Variants in FRMPD2 observed in about 807,000 individuals in gnomAD.
The protein encoded by FRMPD2 is FERM and PDZ domain containing 2, also known as FERM and PDZ domain-containing protein 2.
A neutral mutation model predicts 140.1 loss-of-function variants in FRMPD2; 96 were observed. The observed-to-expected ratio is 0.69, with a 90% CI of 0.58 to 0.81. FRMPD2 has a LOEUF of 0.81. Ranked by LOEUF, FRMPD2 falls within the 40% of genes least tolerant of loss-of-function variation. FRMPD2 has a pLI of 0.00. For missense variants in FRMPD2, 1,240 were observed against 1,447.4 expected, an observed-to-expected ratio of 0.86 and a Z score of 2.32; for synonymous variants, 449 against 547.6, an observed-to-expected ratio of 0.82 and a Z score of 2.52.
chr10:48,200,619 T>A (rs1839063306), intron 15 of FRMPD2, among the ~76,000 whole-genome samples: 1 of 152,214 alleles, frequency 6.6e-6, no homozygotes, highest in South Asian at 2.1e-4. Flanking sequence ...TGCTAGTGAC[T>A]CCCACACTGA....
At chr10:48,184,004 C>G (rs1274604909) in intron 20 of FRMPD2, among the ~76,000 whole-genome samples, 1 of 152,010 alleles carries the variant, frequency 6.6e-6, no homozygotes, top group Non-Finnish European at 1.5e-5. Flanking sequence ...GGAAAAATAA[C>G]TATTGGGCAC....
chr10:48,236,546 C>T lies in FRMPD2; in HGVS notation c.929G>A (p.Arg310Lys). The T allele has an allele frequency of 6.2e-7, 1 of 1,614,132 alleles. No homozygotes were observed. The highest frequency in any genetic ancestry group is 8.5e-7 in the Non-Finnish European group (1 of 1,179,952). ...TCCAGCCAACAGGATGAACTCTGGC[C>T]TGGAAAACTGGAGGAAAACAGTCAC... ...GFLQRRSKFS[R>K]PEFILLAGEA... Residue 310 changes from arginine to lysine, a missense_variant, in exon 9 of 29, where the codon AGG (arginine) becomes AAG (lysine). Transcript: ENST00000374201.
At chr10:48,197,476 T>C (rs1052885680) in intron 15 of FRMPD2, among the ~76,000 whole-genome samples, 10 of 152,240 alleles carry the variant, frequency 6.6e-5, no homozygotes, top group African/African-American at 2.2e-4. Context: ...CTGAGTCTAC[T>C]GGACTCCACA....
At chr10:48,193,825 A>G (rs762588531) in intron 15 of FRMPD2, among the ~76,000 whole-genome samples, 2 of 152,112 alleles carry the variant, frequency 1.3e-5, no homozygotes, top group Non-Finnish European at 2.9e-5. Context: ...CCATGGGCAT[A>G]TATTTCTTCA....
chr10:48,208,397 A>T, intron 13 of FRMPD2, among the ~76,000 whole-genome samples: 1 of 152,202 alleles, frequency 6.6e-6, no homozygotes, highest in Non-Finnish European at 1.5e-5. Flanking sequence ...CAAGATTCCT[A>T]CTAGTAAAGC....
chr10:48,205,515 T>C (rs1839182324), intron 14 of FRMPD2, among the ~76,000 whole-genome samples: 1 of 152,116 alleles, frequency 6.6e-6, no homozygotes, highest in Admixed American at 6.5e-5. Context: ...CATTGAAAAA[T>C]CTGAACAATT....
At chr10:48,244,310 T>C (rs768286713) in intron 4 of FRMPD2, among the ~76,000 whole-genome samples, 2 of 152,254 alleles carry the variant, frequency 1.3e-5, no homozygotes, top group Non-Finnish European at 2.9e-5. Flanking sequence ...TTCTAAGCTT[T>C]AAGCCTTCTT....
intron 17 of FRMPD2, 98 bp from the exon 18 acceptor site, chr10:48,185,743 C>T: frequency 2.4e-6 from 2 of 824,642 alleles, no homozygotes; most frequent in Admixed American, 3.6e-5. Flanking sequence ...CATGCGCGCA[C>T]ACACATTCAC....
chr10:48,181,416 T>C (rs1838543245), intron 20 of FRMPD2, among the ~76,000 whole-genome samples: 1 of 152,186 alleles, frequency 6.6e-6, no homozygotes, highest in Admixed American at 6.5e-5. Flanking sequence ...AGCTATTAAG[T>C]GTCCTGCCCC....
chr10:48,167,778 T>G (rs1243969060), intron 27 of FRMPD2, among the ~76,000 whole-genome samples: 49 of 152,362 alleles, frequency 3.2e-4, no homozygotes, highest in African/African-American at 1.1e-3. Flanking sequence ...TTTTTAGATG[T>G]GATTTGACAT....
intron 13 of FRMPD2, among the ~76,000 whole-genome samples, chr10:48,210,671 G>A (rs1588831874): frequency 6.6e-6 from 1 of 152,214 alleles, no homozygotes; most frequent in African/African-American, 2.4e-5. Context: ...TGTGCAGCCC[G>A]GACTATGGAG....
intron 1 of FRMPD2, among the ~76,000 whole-genome samples, chr10:48,262,064 C>A (rs887591725): frequency 1.3e-5 from 2 of 151,910 alleles, no homozygotes; most frequent in South Asian, 4.2e-4. Flanking sequence ...CCAATTGCAA[C>A]AAATAGAAAA....
chr10:48,212,597 G>A (rs999747386), intron 12 of FRMPD2, among the ~76,000 whole-genome samples: 1 of 151,848 alleles, frequency 6.6e-6, no homozygotes, highest in Non-Finnish European at 1.5e-5. Context: ...AATTCATTTA[G>A]CATTTCTGTC....
Position 48,223,266 on chromosome 10 carries a change from T to A in FRMPD2, c.1173A>T (p.Lys391Asn). The change falls in exon 11 of 29, where the codon AAA becomes AAT. Residue 391 changes from lysine (K) to asparagine (N), a missense_variant. Lys to Asn is a moderately conservative substitution (Grantham distance 94). Coordinates refer to ENST00000374201, the MANE Select transcript of FRMPD2 (RefSeq NM_001018071.4). ...TTTCACTGTCCAGGAAAAAGAACTCTTTGCCTGAAATGGAAATAGAGCATG... is the reference window on the plus strand; with the variant it reads ...TTTCACTGTCCAGGAAAAAGAACTCATTGCCTGAAATGGAAATAGAGCATG... ...TYFGLAYMKSKEFFFLDSETR... is the reference protein window; with the variant it reads ...TYFGLAYMKSNEFFFLDSETR... 1 of 1,611,856 alleles carries A rather than the reference T, an allele frequency of 6.2e-7. No individual in the cohort carries two copies. Among genetic ancestry groups the A allele is most frequent in the Non-Finnish European group, 8.5e-7 (1 of 1,178,786 alleles).
At chr10:48,244,422 T>A (rs1267502182) in intron 4 of FRMPD2, among the ~76,000 whole-genome samples, 2 of 152,358 alleles carry the variant, frequency 1.3e-5, no homozygotes, top group Non-Finnish European at 2.9e-5. Context: ...CAGGGAAGCA[T>A]CTCACTTTGG....
chr10:48,162,184 T>C (rs1306686567), intron 28 of FRMPD2, among the ~76,000 whole-genome samples: 7 of 142,038 alleles, frequency 4.9e-5, no homozygotes, highest in Non-Finnish European at 9.2e-5. Context: ...AATACACTTA[T>C]GTTATACATT....
chr10:48,265,439 G>C (rs1468837721), intron 1 of FRMPD2, among the ~76,000 whole-genome samples: 2 of 152,046 alleles, frequency 1.3e-5, no homozygotes, highest in Admixed American at 1.3e-4. Context: ...AACCTACAGA[G>C]TAGGGGAAAA....
intron 16 of FRMPD2, among the ~76,000 whole-genome samples, chr10:48,191,026 C>A (rs1838819301): frequency 6.6e-6 from 1 of 152,226 alleles, no homozygotes; most frequent in Admixed American, 6.5e-5. Flanking sequence ...GAAGTGGAGA[C>A]TATTTCTGCT....
intron 12 of FRMPD2, among the ~76,000 whole-genome samples, chr10:48,214,529 G>T (rs1839402916): frequency 6.6e-6 from 1 of 151,886 alleles, no homozygotes; most frequent in Non-Finnish European, 1.5e-5. Context: ...CATGTAGAGG[G>T]GCAAGGGATA....
Sources: gnomAD v4.1 joint callset for allele counts (sites outside exome capture counted in the v4.1 genomes callset) on GRCh38, gnomAD v4.1.1 for gene constraint, MANE v1.5 for transcripts, NCBI Gene and HGNC (gene_info 2026-07-23, HGNC 2026-07-21) for gene names.